SRPK1: variants seen among roughly 807,000 people sequenced by gnomAD.
SRPK1 encodes SFRS protein kinase 1.
In SRPK1, 52 loss-of-function variants were observed where a neutral mutation model predicts 89.5. The ratio of observed to expected loss-of-function variants is 0.58; its 90% CI spans 0.46 to 0.73. The LOEUF is 0.73. Among genes scored for constraint, SRPK1 ranks in the 30% least tolerant of loss-of-function variants. The probability of loss-of-function intolerance (pLI) is 0.00; values close to 1 mark genes in which losing one functional copy is unlikely to be tolerated. For synonymous variants in SRPK1, 255 were observed against 270.2 expected (o/e 0.94, Z 0.55); for missense variants, 603 against 780.6 (o/e 0.77, Z 2.71).
At chr6:35,870,733 C>A (rs754263948) in intron 9 of SRPK1, among the ~76,000 whole-genome samples, 1 of 152,112 alleles carries the variant, frequency 6.6e-6, no homozygotes, top group African/African-American at 2.4e-5. Flanking sequence ...TACATTCAGA[C>A]AAACTCGAAT....
chr6:35,883,640 T>A (rs1447867307), intron 6 of SRPK1, among the ~76,000 whole-genome samples: 1 of 151,628 alleles, frequency 6.6e-6, no homozygotes, highest in Non-Finnish European at 1.5e-5. Flanking sequence ...TGACAGAACA[T>A]CATAATCAAG....
chr6:35,861,249 C>A (rs547624000), intron 12 of SRPK1, among the ~76,000 whole-genome samples: 8 of 152,182 alleles, frequency 5.3e-5, no homozygotes, highest in Non-Finnish European at 1.0e-4. Context: ...GAGAAATCCC[C>A]AGCATCCCAC....
chr6:35,863,291 T>C (rs1187635053), intron 12 of SRPK1, among the ~76,000 whole-genome samples: 1 of 150,202 alleles, frequency 6.7e-6, no homozygotes, highest in East Asian at 2.0e-4. Flanking sequence ...CAGATAAATA[T>C]AAGGAAATAA....
At chr6:35,870,877 G>T in intron 9 of SRPK1, 57 bp downstream of exon 9, 1 of 1,408,126 alleles carries the variant, frequency 7.1e-7, no homozygotes, top group South Asian at 1.3e-5. Context: ...CACAACAGAA[G>T]AACCCATGCC....
At chr6:35,863,863 A>T (rs1218130132) in intron 12 of SRPK1, among the ~76,000 whole-genome samples, 2 of 152,168 alleles carry the variant, frequency 1.3e-5, no homozygotes. Context: ...ATATTATAAC[A>T]CCGTTAATTG....
intron 13 of SRPK1, 152 bp downstream of exon 13, chr6:35,857,109 G>A (rs897440627): frequency 5.4e-6 from 3 of 555,690 alleles, no homozygotes; most frequent in Admixed American, 3.5e-5. Flanking sequence ...TTTTGAATTC[G>A]GACCTCTCTA....
chr6:35,836,297 C>A (rs1439713839), intron 15 of SRPK1, among the ~76,000 whole-genome samples: 3 of 152,062 alleles, frequency 2.0e-5, no homozygotes, highest in African/African-American at 4.8e-5. Flanking sequence ...CCAACCCCCC[C>A]ATCCATTGAA....
chr6:35,859,784 C>T (rs527277227), intron 12 of SRPK1, among the ~76,000 whole-genome samples: 5 of 152,020 alleles, frequency 3.3e-5, no homozygotes, highest in African/African-American at 7.2e-5. Context: ...TATTGTTCAC[C>T]GCTGTGTCCT....
At chr6:35,906,047 G>A (rs559065008) in intron 2 of SRPK1, among the ~76,000 whole-genome samples, 6 of 151,830 alleles carry the variant, frequency 4.0e-5, no homozygotes, top group Non-Finnish European at 7.4e-5. Flanking sequence ...TTTCCTAGCC[G>A]GGGGCAGAAA....
chr6:35,879,383 C>T (rs117364810), intron 6 of SRPK1, among the ~76,000 whole-genome samples: 4 of 151,262 alleles, frequency 2.6e-5, no homozygotes, highest in African/African-American at 7.3e-5. Flanking sequence ...CCCATCTCCA[C>T]AAAAAATAAA....
At chr6:35,918,783 T>C (rs957235457) in intron 2 of SRPK1, among the ~76,000 whole-genome samples, 3 of 152,206 alleles carry the variant, frequency 2.0e-5, no homozygotes, top group Non-Finnish European at 4.4e-5. Context: ...ACTTTAGAAA[T>C]AAAGCATATG....
chr6:35,866,069 A>AT lies in SRPK1; in HGVS notation c.1512+2940dup, dbSNP rs544322645. On this transcript the variant is annotated intron_variant, in intron 12 of 15. Transcript: ENST00000373825. ...AGGTAGACTAAGGACACGAATAGGG[A>AT]TTTTTCAAAAGAAGACAAATGGCCA... 7.9e-5 allele frequency among the ~76,000 whole-genome samples: 12 copies of AT among 152,250 alleles called. No homozygotes were observed. In the East Asian group the frequency reaches 2.3e-3, roughly 29 times the overall value.
chr6:35,880,746 A>AAAAAAAAAAAAAAAAAAG (rs1770263877), intron 6 of SRPK1, among the ~76,000 whole-genome samples: 3 of 89,204 alleles, frequency 3.4e-5, no homozygotes, highest in African/African-American at 4.5e-5. Context: ...AAAAAAAAAA[A>AAAAAAAAAAAAAAAAAAG]AAAAGAAAAG....
rs541294404 is a variant in SRPK1, at chr6:35,915,778, C to A, written c.74+4690G>T. ...ATGAGGTCAGGAGATGGAGACCATT[C>A]TGGCTAACACGGTGAAATCCCGTCT... is the stretch of plus-strand genomic sequence containing the variant. On this transcript the variant is annotated intron_variant, in intron 2 of 15. Coordinates refer to ENST00000373825, the MANE Select transcript of SRPK1 (RefSeq NM_003137.5). Among the ~76,000 whole-genome samples the A allele has an allele frequency of 3.7e-4, 56 of 152,026 alleles. No homozygotes were observed. The South Asian group carries it at 0.01, about 28-fold the overall frequency.
At chr6:35,869,189 A>G in intron 11 of SRPK1, 79 bp from the exon 12 acceptor site, 1 of 1,240,406 alleles carries the variant, frequency 8.1e-7, no homozygotes, top group South Asian at 1.3e-5. Flanking sequence ...TCTCCAAGGT[A>G]AGAGTAATAC....
chr6:35,842,418 G>T (rs1387271176), intron 14 of SRPK1, 117 bp downstream of exon 14: 3 of 606,328 alleles, frequency 4.9e-6, no homozygotes, highest in East Asian at 3.3e-5. Flanking sequence ...ACTTTTCTGG[G>T]ATTTACATGT....
intron 13 of SRPK1, among the ~76,000 whole-genome samples, chr6:35,852,542 A>G (rs1461511963): frequency 6.6e-6 from 1 of 152,236 alleles, no homozygotes. Context: ...TCCAGCCTCC[A>G]GTGACTTACT....
intron 1 of SRPK1, chr6:35,920,823 G>C (rs1771220925): frequency 2.0e-6 from 1 of 489,914 alleles, no homozygotes; most frequent in Non-Finnish European, 3.5e-6. Flanking sequence ...CCGGCCTGGC[G>C]GGGAACAAGG....
intron 2 of SRPK1, among the ~76,000 whole-genome samples, chr6:35,910,333 A>G (rs1181896579): frequency 2.0e-5 from 3 of 152,184 alleles, no homozygotes; most frequent in East Asian, 1.9e-4. Context: ...TGAATAGAAG[A>G]TCATACCAAC....
Sources: allele counts gnomAD v4.1 joint callset (sites outside exome capture counted in the v4.1 genomes callset), GRCh38; gene constraint gnomAD v4.1.1; transcripts MANE v1.5; gene names NCBI Gene and HGNC (gene_info 2026-07-23, HGNC 2026-07-21).